LTA4H: variants seen among roughly 807,000 people sequenced by gnomAD.
LTA4H encodes the protein leukotriene A-4 hydrolase.
A neutral mutation model predicts 89.8 loss-of-function variants in LTA4H; 59 were observed. The ratio of observed to expected loss-of-function variants is 0.66; its 90% CI spans 0.53 to 0.82. The LOEUF is 0.82. Ranked by LOEUF, LTA4H falls within the 40% of genes least tolerant of loss-of-function variation. LTA4H has a pLI of 0.00. For synonymous variants in LTA4H, 227 were observed against 253.1 expected (o/e 0.90, Z 0.98); for missense variants, 617 against 727.0 (o/e 0.85, Z 1.74).
intron 3 of LTA4H, 98 bp from the exon 4 acceptor site, chr12:96,024,645 TA>T: frequency 1.4e-6 from 1 of 709,262 alleles, no homozygotes; most frequent in Non-Finnish European, 2.4e-6. Flanking sequence ...GACATTAAAA[TA>T]AAAACAGTCC....
At chr12:96,006,710 A>G (rs1950209183) in intron 15 of LTA4H, among the ~76,000 whole-genome samples, 1 of 152,216 alleles carries the variant, frequency 6.6e-6, no homozygotes, top group South Asian at 2.1e-4. Context: ...AAAGCAAAGA[A>G]ACATTTCAAA....
intron 18 of LTA4H, among the ~76,000 whole-genome samples, chr12:96,001,599 T>C (rs117360077): frequency 0.021 from 3,121 of 152,234 alleles, 87 homozygotes; most frequent in Non-Finnish European, 0.024. Context: ...TTAATCAAGA[T>C]TTTAAGAGTA....
chr12:96,001,058 G>C lies in LTA4H; in HGVS notation c.1767C>G (p.Tyr589Ter). Residue 589 changes from tyrosine (Y) to a stop codon, truncating the protein, a stop_gained, in exon 19 of 19, where the codon TAC becomes TAG. Coordinates refer to ENST00000228740, the MANE Select transcript of LTA4H (RefSeq NM_000895.3). LOFTEE classifies it high-confidence loss of function. ...GATGCATGCTTGCTTTGTGCTCTTG[G>C]TAGGTTCGGACAGCTTGATCATGGG... ...DKSHDQAVRT[Y>*]QEHKASMHPV... The C allele has an allele frequency of 6.2e-7, 1 of 1,614,078 alleles. No homozygotes were observed. The highest frequency in any genetic ancestry group is 1.6e-4 in the Middle Eastern group (1 of 6,062).
At chr12:96,033,160 C>T (rs1283472727) in intron 1 of LTA4H, among the ~76,000 whole-genome samples, 4 of 152,236 alleles carry the variant, frequency 2.6e-5, no homozygotes, top group East Asian at 3.9e-4. Flanking sequence ...TGTGAGGTCA[C>T]ATTAAGCAGC....
chr12:96,009,270 G>A, intron 14 of LTA4H, 122 bp from the exon 15 acceptor site: 1 of 661,274 alleles, frequency 1.5e-6, no homozygotes, highest in Non-Finnish European at 2.6e-6. Flanking sequence ...AAACTCCAAA[G>A]TGAGGAAAAT....
chr12:96,040,478 A>G (rs1396852868), upstream of LTA4H, among the ~76,000 whole-genome samples: 1 of 152,112 alleles, frequency 6.6e-6, no homozygotes, highest in Non-Finnish European at 1.5e-5. Context: ...GTTCTGTCCA[A>G]TGGCATGTAA....
chr12:96,029,815 A>T (rs535817561), intron 1 of LTA4H, among the ~76,000 whole-genome samples: 6 of 152,102 alleles, frequency 3.9e-5, no homozygotes, highest in Non-Finnish European at 7.4e-5. Flanking sequence ...TACAAATCAT[A>T]CTCTTTAATT....
intron 1 of LTA4H, 150 bp downstream of exon 1, chr12:96,035,211 T>G: frequency 1.3e-6 from 1 of 748,934 alleles, no homozygotes. Flanking sequence ...ACAACATGAG[T>G]TGGATGGAGG....
chr12:96,002,832 A>G (rs1038401523), intron 18 of LTA4H, 128 bp downstream of exon 18: 7 of 633,954 alleles, frequency 1.1e-5, no homozygotes, highest in Non-Finnish European at 1.9e-5. Context: ...GTGAATCCCT[A>G]TTCCAAAATT....
intron 1 of LTA4H, chr12:96,043,214 A>C: frequency 9.8e-7 from 1 of 1,020,606 alleles, no homozygotes; most frequent in Non-Finnish European, 1.5e-6. Context: ...TAGACCCGGG[A>C]GGTGAATTGA....
In LTA4H at chr12:96,021,125, AG is replaced by A. The variant is rs1226617906; in HGVS notation, c.597del (p.Cys200AlafsTer3). On this transcript the variant is annotated frameshift_variant, in exon 6 of 19. Transcript: ENST00000228740. LOFTEE classifies it high-confidence loss of function. The stretch of plus-strand genomic sequence containing the variant: ...CCAACAACTAAAGCAATCAGGTAGC[AG>A]GGTATTGGAACCTAAAGAGGGCAAA... ...IYKFIQKVPI[P>X]CYLIALVVGA... 1 of 1,598,818 alleles carries A rather than the reference AG, an allele frequency of 6.3e-7. No homozygotes were observed. Among genetic ancestry groups the A allele is most frequent in the African/African-American group, 1.4e-5 (1 of 73,912 alleles).
chr12:96,035,418 C>T lies in LTA4H; in HGVS notation c.102G>A (p.Thr34=). ...LRCSVDFTRR[T]LTGTAALTVQ... The stretch of plus-strand genomic sequence containing the variant: ...CCGTGAGAGCAGCAGTCCCGGTCAG[C>T]GTCCGGCGAGTAAAGTCGACGCTGC... Residue 34 remains threonine, a synonymous_variant, in exon 1 of 19, where the codon ACG becomes ACA. Coordinates refer to ENST00000228740, the MANE Select transcript of LTA4H (RefSeq NM_000895.3). 6.2e-7 allele frequency: 1 copy of T among 1,610,904 alleles called. No homozygotes were observed. The highest frequency in any genetic ancestry group is 8.5e-7 in the Non-Finnish European group (1 of 1,178,732).
chr12:96,018,876 C>A lies in LTA4H; in HGVS notation c.739G>T (p.Asp247Tyr). 6.3e-7 allele frequency: 1 copy of A among 1,595,084 alleles called. No individual in the cohort carries two copies. The highest frequency in any genetic ancestry group is 8.5e-7 in the Non-Finnish European group (1 of 1,173,984). ...ETESMLKIAEDLGGPYVWGQY... is the reference protein window; with the variant it reads ...ETESMLKIAEYLGGPYVWGQY... The stretch of plus-strand genomic sequence containing the variant: ...CCCCATACATACGGTCCTCCCAGAT[C>A]TTCTGCTATTTTAAGCATAGATTCA... Residue 247 changes from aspartate (D) to tyrosine (Y), a missense_variant, in exon 8 of 19, where the codon GAT (aspartate) becomes TAT (tyrosine). By Grantham distance (160) the Asp-to-Tyr change is radical. This residue lies in a region of LTA4H where 172 missense variants were observed against 244.5 expected (regional missense o/e 0.70). Transcript: ENST00000228740.
At chr12:96,005,401 C>T (rs940231160) in intron 16 of LTA4H, among the ~76,000 whole-genome samples, 3 of 152,170 alleles carry the variant, frequency 2.0e-5, no homozygotes, top group Non-Finnish European at 4.4e-5. Flanking sequence ...GCATTTCATC[C>T]CGACTCTTCT....
chr12:96,030,909 T>C (rs1004837663), intron 1 of LTA4H, among the ~76,000 whole-genome samples: 27 of 152,220 alleles, frequency 1.8e-4, no homozygotes, highest in African/African-American at 6.3e-4. Context: ...CTCTTCATAG[T>C]CTAGTACCTA....
At chr12:96,024,921 G>C (rs1950497028) in intron 3 of LTA4H, among the ~76,000 whole-genome samples, 1 of 152,136 alleles carries the variant, frequency 6.6e-6, no homozygotes, top group Admixed American at 6.5e-5. Flanking sequence ...GCCCACCTCG[G>C]CCTCCCAAAG....
rs1169581389 is a variant in LTA4H at position 96,013,320 on chromosome 12, A to T, written c.1309-62T>A. ...GCCCTTTCCTGTCAAAAAAAAATTTAAACTTGTAAGTCCTTAGATATATAA... is the reference window on the plus strand; with the variant it reads ...GCCCTTTCCTGTCAAAAAAAAATTTTAACTTGTAAGTCCTTAGATATATAA... On this transcript the variant is annotated intron_variant, in intron 13 of 18. Coordinates refer to ENST00000228740, the MANE Select transcript of LTA4H (RefSeq NM_000895.3). 7.4e-6 allele frequency: 8 copies of T among 1,075,364 alleles called. No homozygotes were observed. The African/African-American group carries it at 1.3e-4, about 17-fold the overall frequency. 66.6% of individuals were successfully genotyped at this position (1,075,364 alleles called of 1,614,324 possible). A position where few individuals can be genotyped will look rare whatever the true frequency, so the allele number is the denominator to read the frequency against.
At chr12:96,036,469 A>G (rs778598628), upstream of LTA4H, among the ~76,000 whole-genome samples, 10 of 152,218 alleles carry the variant, frequency 6.6e-5, no homozygotes, top group Non-Finnish European at 1.5e-4. Context: ...AAGAGTTTTC[A>G]GCAGGCGACT....
At chr12:96,038,105 CAG>C (rs1249756589), upstream of LTA4H, among the ~76,000 whole-genome samples, 1 of 152,018 alleles carries the variant, frequency 6.6e-6, no homozygotes, top group African/African-American at 2.4e-5. Context: ...AGGATCGACT[CAG>C]AGGCAAAAAG....
Sources: gnomAD v4.1 joint callset for allele counts (sites outside exome capture counted in the v4.1 genomes callset) on GRCh38, gnomAD v4.1.1 for gene constraint, gnomAD v4.1.1 regional missense constraint, MANE v1.5 for transcripts, NCBI Gene and HGNC (gene_info 2026-07-23, HGNC 2026-07-21) for gene names.